DNAH9: variants seen among roughly 807,000 people sequenced by gnomAD.
DNAH9 encodes the protein dynein axonemal heavy chain 9.
A neutral mutation model predicts 471.6 loss-of-function variants in DNAH9; 345 were observed. The ratio of observed to expected loss-of-function variants is 0.73; its 90% CI spans 0.67 to 0.80. DNAH9 has a LOEUF of 0.80. DNAH9 is among the 30% of genes least tolerant of loss of function. DNAH9 has a pLI of 0.00. For missense variants in DNAH9, 5,407 were observed against 5,609.2 expected, an observed-to-expected ratio of 0.96 and a Z score of 1.15; for synonymous variants, 2,093 against 2,123.6, an observed-to-expected ratio of 0.99 and a Z score of 0.40.
chr17:11,873,961 T>G (rs1434921491), intron 52 of DNAH9, among the ~76,000 whole-genome samples: 1 of 152,110 alleles, frequency 6.6e-6, no homozygotes, highest in Non-Finnish European at 1.5e-5. Flanking sequence ...AAAAATTAAG[T>G]GAGCCCGGCG....
At chr17:11,802,681 C>A (rs1487396256) in intron 43 of DNAH9, among the ~76,000 whole-genome samples, 1 of 150,056 alleles carries the variant, frequency 6.7e-6, no homozygotes, top group Non-Finnish European at 1.5e-5. Flanking sequence ...TAGGACAGAG[C>A]AGACGAGGAA....
At position 11,928,508 on chromosome 17, in the gene DNAH9, A is replaced by G. The variant is rs138081468; in HGVS notation, c.11878-1358A>G. On this transcript the variant is annotated intron_variant, in intron 62 of 68. Transcript: ENST00000262442. Reference sequence around the variant, plus strand: ...ATCCATTATAATGAAACACATTGCAATGAAGCCGGGTGACTCCCCTTACTA... The same window carrying G: ...ATCCATTATAATGAAACACATTGCAGTGAAGCCGGGTGACTCCCCTTACTA... Among the ~76,000 whole-genome samples, 637 of 152,352 alleles carry G rather than the reference A, an allele frequency of 4.2e-3. 1 individual carries two copies. The highest frequency in any genetic ancestry group is 0.015 in the African/African-American group (609 of 41,582).
chr17:11,809,219 G>A (rs1969798791), intron 44 of DNAH9, among the ~76,000 whole-genome samples: 3 of 151,914 alleles, frequency 2.0e-5, no homozygotes, highest in African/African-American at 7.3e-5. Flanking sequence ...GTGTGTGTGT[G>A]TGTTGCCCCA....
chr17:11,662,573 G>T (rs1051462148), intron 14 of DNAH9, among the ~76,000 whole-genome samples: 7 of 151,644 alleles, frequency 4.6e-5, no homozygotes, highest in Non-Finnish European at 8.8e-5. Flanking sequence ...TGGTTAAATG[G>T]CACCTTTTTC....
chr17:11,861,044 A>G (rs1272338276), intron 50 of DNAH9, among the ~76,000 whole-genome samples: 1 of 128,458 alleles, frequency 7.8e-6, no homozygotes, highest in Non-Finnish European at 1.7e-5. Flanking sequence ...TTTTTTTTAT[A>G]CTTTAAGTTT....
intron 62 of DNAH9, among the ~76,000 whole-genome samples, chr17:11,926,846 A>G (rs61163773): frequency 0.2 from 29,981 of 152,118 alleles, 3,049 homozygotes; most frequent in African/African-American, 0.23. Flanking sequence ...GTCTTCCACA[A>G]CGGTTGAACT....
chr17:11,799,781 A>C (rs1010505359), intron 43 of DNAH9, among the ~76,000 whole-genome samples: 3 of 152,076 alleles, frequency 2.0e-5, no homozygotes, highest in African/African-American at 7.2e-5. Flanking sequence ...GACAGGGTTA[A>C]ACGATGTTGG....
At chr17:11,945,851 G>A (rs1975098864) in intron 67 of DNAH9, among the ~76,000 whole-genome samples, 1 of 151,698 alleles carries the variant, frequency 6.6e-6, no homozygotes, top group Non-Finnish European at 1.5e-5. Context: ...GAGGTCAGGA[G>A]ATCAAGACCA....
intron 35 of DNAH9, 43 bp from the exon 36 acceptor site, chr17:11,763,397 A>G (rs370638801): frequency 4.7e-5 from 74 of 1,573,972 alleles, no homozygotes; most frequent in Non-Finnish European, 5.8e-5. Flanking sequence ...ACCAGAATGG[A>G]ATATCCTCTG....
intron 48 of DNAH9, among the ~76,000 whole-genome samples, chr17:11,832,496 C>A (rs908309228): frequency 3.9e-5 from 6 of 152,206 alleles, no homozygotes; most frequent in Admixed American, 6.5e-5. Context: ...CGCAGCTGAA[C>A]AACAGGAGAT....
At chr17:11,724,955 C>T (rs1184795470) in intron 27 of DNAH9, among the ~76,000 whole-genome samples, 2 of 152,148 alleles carry the variant, frequency 1.3e-5, no homozygotes, top group Non-Finnish European at 2.9e-5. Context: ...TGATGGGAGA[C>T]AGTGACAGAT....
chr17:11,924,457 T>C (rs1214013881), intron 62 of DNAH9, among the ~76,000 whole-genome samples: 1 of 151,756 alleles, frequency 6.6e-6, no homozygotes. Flanking sequence ...GACTGAACAG[T>C]TACAAGGAAA....
intron 26 of DNAH9, among the ~76,000 whole-genome samples, chr17:11,712,073 T>TAA (rs2074866841): frequency 1.3e-3 from 1 of 766 alleles, no homozygotes; most frequent in South Asian, 0.05. Flanking sequence ...TTTGTATATA[T>TAA]ATAAATATAT....
rs1972660923 is a variant in DNAH9, at chr17:11,880,144, G to A, written c.10545G>A (p.Glu3515=). ...GAVVLIENLE[E]SIDPVLGPLL... ...TGGTGCTGATTGAAAATCTAGAGGA[G>A]TCCATTGATCCTGTTCTGGGACCCC... The change falls in exon 54 of 69, where the codon GAG becomes GAA. Residue 3515 remains glutamate (E), a synonymous_variant. Transcript: ENST00000262442. 1.2e-6 allele frequency: 2 copies of A among 1,614,032 alleles called. No homozygotes were observed. Among genetic ancestry groups the A allele is most frequent in the African/African-American group, 1.3e-5 (1 of 75,016 alleles).
intron 52 of DNAH9, among the ~76,000 whole-genome samples, chr17:11,872,836 C>T (rs1275744800): frequency 6.6e-6 from 1 of 152,188 alleles, no homozygotes; most frequent in Non-Finnish European, 1.5e-5. Flanking sequence ...AGGAGAATGG[C>T]GTGAACCCGG....
At chr17:11,606,437 T>C (rs1335954264) in intron 1 of DNAH9, among the ~76,000 whole-genome samples, 1 of 118,524 alleles carries the variant, frequency 8.4e-6, no homozygotes, top group Non-Finnish European at 1.6e-5. Context: ...TTCTTTCTTT[T>C]CTTTTCTTTT....
intron 38 of DNAH9, among the ~76,000 whole-genome samples, chr17:11,771,118 C>G (rs976210970): frequency 6.6e-6 from 1 of 152,060 alleles, no homozygotes; most frequent in Admixed American, 6.5e-5. Context: ...TTAAGTTTAT[C>G]TATACCTATT....
chr17:11,802,239 G>C (rs1426744512), intron 43 of DNAH9, among the ~76,000 whole-genome samples: 3 of 152,082 alleles, frequency 2.0e-5, no homozygotes, highest in Non-Finnish European at 4.4e-5. Context: ...GGCAGTAAAG[G>C]GAGAAACACA....
At chr17:11,771,457 T>C (rs1968201796) in intron 38 of DNAH9, among the ~76,000 whole-genome samples, 1 of 152,190 alleles carries the variant, frequency 6.6e-6, no homozygotes, top group Non-Finnish European at 1.5e-5. Context: ...TGGTCATGTT[T>C]AACAACCAGC....
Sources: gnomAD v4.1 joint callset for allele counts (sites outside exome capture counted in the v4.1 genomes callset) on GRCh38, gnomAD v4.1.1 for gene constraint, MANE v1.5 for transcripts, NCBI Gene and HGNC (gene_info 2026-07-23, HGNC 2026-07-21) for gene names.